GPC6: variants seen among roughly 807,000 people sequenced by gnomAD.
GPC6 encodes the protein glypican-6.
A neutral mutation model predicts 55.2 loss-of-function variants in GPC6; 14 were observed. The ratio of observed to expected loss-of-function variants is 0.25; its 90% confidence interval spans 0.17 to 0.40. GPC6 has a LOEUF of 0.40. GPC6 is among the 10% of genes least tolerant of loss of function. The probability of loss-of-function intolerance (pLI) is 1.00; values close to 1 mark genes in which losing one functional copy is unlikely to be tolerated. For synonymous variants in GPC6, 278 were observed against 259.6 expected (o/e 1.07, Z -0.68); for missense variants, 641 against 708.5 (o/e 0.90, Z 1.08).
chr13:93,217,158 C>T, the GPC6 span, among the ~76,000 whole-genome samples: 2 of 152,180 alleles, frequency 1.3e-5, no homozygotes, highest in Non-Finnish European at 2.9e-5. Context: ...ACGTGTGATT[C>T]ATTAAGCTCT....
intron 1 of GPC6, among the ~76,000 whole-genome samples, chr13:93,483,054 G>T (rs1319647332): frequency 6.6e-6 from 1 of 152,136 alleles, no homozygotes; most frequent in Non-Finnish European, 1.5e-5. Flanking sequence ...CATCCTGATA[G>T]CCAGGTGGAG....
intron 1 of GPC6, among the ~76,000 whole-genome samples, chr13:93,451,838 G>C (rs1209521652): frequency 1.3e-5 from 2 of 152,108 alleles, no homozygotes; most frequent in Non-Finnish European, 2.9e-5. Context: ...ATGCTCCAAT[G>C]TAAAACTCGT....
chr13:94,192,611 A>G (rs1436516136), intron 4 of GPC6, among the ~76,000 whole-genome samples: 1 of 152,162 alleles, frequency 6.6e-6, no homozygotes, highest in Non-Finnish European at 1.5e-5. Context: ...AATGTTTGTG[A>G]TGTTGACATA....
intron 2 of GPC6, among the ~76,000 whole-genome samples, chr13:93,739,432 AT>A (rs200253767): frequency 0.039 from 5,517 of 142,378 alleles, 256 homozygotes; most frequent in East Asian, 0.28. Context: ...CTTCAAATAC[AT>A]TTTTTTTTTT....
intron 1 of GPC6, among the ~76,000 whole-genome samples, chr13:93,309,310 T>C (rs1382895304): frequency 6.6e-6 from 1 of 152,160 alleles, no homozygotes; most frequent in Non-Finnish European, 1.5e-5. Context: ...TTTAAAAACA[T>C]TTATTTCACT....
chr13:93,749,454 A>G (rs1469749893), intron 2 of GPC6, among the ~76,000 whole-genome samples: 1 of 151,798 alleles, frequency 6.6e-6, no homozygotes, highest in Admixed American at 6.6e-5. Flanking sequence ...TCTTTGATAT[A>G]TGCTACTTGA....
intron 6 of GPC6, among the ~76,000 whole-genome samples, chr13:94,372,316 T>C (rs1160981742): frequency 6.6e-6 from 1 of 152,042 alleles, no homozygotes; most frequent in Non-Finnish European, 1.5e-5. Context: ...TTCATCTCAC[T>C]AGGGAGTGCC....
At chr13:94,200,243 A>G (rs1889709639) in intron 4 of GPC6, among the ~76,000 whole-genome samples, 1 of 152,106 alleles carries the variant, frequency 6.6e-6, no homozygotes, top group South Asian at 2.1e-4. Context: ...AAAGTCATGG[A>G]GAGCTAAAGC....
chr13:93,783,501 T>C (rs1885722533), intron 2 of GPC6, among the ~76,000 whole-genome samples: 1 of 152,310 alleles, frequency 6.6e-6, no homozygotes, highest in Non-Finnish European at 1.5e-5. Flanking sequence ...TGTTGTTTCT[T>C]GACTTTTTAA....
intron 1 of GPC6, among the ~76,000 whole-genome samples, chr13:93,344,127 T>C (rs1245900212): frequency 6.6e-6 from 1 of 152,100 alleles, no homozygotes; most frequent in Non-Finnish European, 1.5e-5. Flanking sequence ...ATAACCCACC[T>C]CCTCCACTTC....
At chr13:93,738,658 T>G (rs1884084929) in intron 2 of GPC6, among the ~76,000 whole-genome samples, 1 of 152,188 alleles carries the variant, frequency 6.6e-6, no homozygotes, top group African/African-American at 2.4e-5. Flanking sequence ...CATGGGGGTT[T>G]GGAGTAGGAG....
intron 1 of GPC6, among the ~76,000 whole-genome samples, chr13:93,499,328 G>A (rs955034639): frequency 6.6e-6 from 1 of 152,176 alleles, no homozygotes; most frequent in African/African-American, 2.4e-5. Flanking sequence ...AGTTTCTGTT[G>A]TCATAAAAGG....
At chr13:93,445,216 T>C (rs2139294045) in intron 1 of GPC6, among the ~76,000 whole-genome samples, 1 of 152,330 alleles carries the variant, frequency 6.6e-6, no homozygotes, top group East Asian at 1.9e-4. Context: ...GTTTCCTTTC[T>C]TTCGTTTCGT....
intron 2 of GPC6, among the ~76,000 whole-genome samples, chr13:93,816,663 C>G (rs968296588): frequency 2.1e-4 from 32 of 150,190 alleles, no homozygotes; most frequent in African/African-American, 7.6e-4. Flanking sequence ...TAGCCATCTA[C>G]TTAAATTTTC....
intron 4 of GPC6, among the ~76,000 whole-genome samples, chr13:94,207,541 G>T (rs1201412999): frequency 6.6e-6 from 1 of 152,154 alleles, no homozygotes; most frequent in Non-Finnish European, 1.5e-5. Context: ...ATGACAAGTG[G>T]CATTTGGCTT....
intron 4 of GPC6, among the ~76,000 whole-genome samples, chr13:94,080,861 G>T (rs1274636839): frequency 6.6e-6 from 1 of 152,142 alleles, no homozygotes; most frequent in African/African-American, 2.4e-5. Context: ...CGAGCTTCAA[G>T]ATATGAATTT....
intron 2 of GPC6, among the ~76,000 whole-genome samples, chr13:93,731,346 A>G (rs1883812540): frequency 6.6e-6 from 1 of 152,148 alleles, no homozygotes; most frequent in South Asian, 2.1e-4. Context: ...CACCGTGGCA[A>G]TGATGTCTAT....
chr13:93,742,461 A>G (rs1351534118), intron 2 of GPC6, among the ~76,000 whole-genome samples: 1 of 152,200 alleles, frequency 6.6e-6, no homozygotes, highest in Non-Finnish European at 1.5e-5. Context: ...GGTTACAGGC[A>G]TTGTGTGATT....
chr13:93,372,763 A>G (rs1874724439), intron 1 of GPC6, among the ~76,000 whole-genome samples: 1 of 152,198 alleles, frequency 6.6e-6, no homozygotes, highest in Non-Finnish European at 1.5e-5. Flanking sequence ...TTGAAGCTTT[A>G]TAATATCAGA....
Sources: gnomAD v4.1 joint callset for allele counts (sites outside exome capture counted in the v4.1 genomes callset) on GRCh38, gnomAD v4.1.1 for gene constraint, MANE v1.5 for transcripts, NCBI Gene and HGNC (gene_info 2026-07-23, HGNC 2026-07-21) for gene names.